The following HNF4G variants were observed in gnomAD, a reference collection of about 807,000 sequenced individuals.
The protein encoded by HNF4G is hepatocyte nuclear factor 4-gamma.
HNF4G carries 21 observed loss-of-function variants against 50.9 expected under a neutral mutation model. That is an observed-to-expected ratio of 0.41 (90% CI 0.29 to 0.59). The LOEUF is 0.59. HNF4G is among the 20% of genes least tolerant of loss of function. The pLI, the probability that HNF4G is intolerant of heterozygous loss-of-function variation, is 0.26. For missense variants in HNF4G, 527 were observed against 559.4 expected, an observed-to-expected ratio of 0.94 and a Z score of 0.58; for synonymous variants, 198 against 185.6, an observed-to-expected ratio of 1.07 and a Z score of -0.54.
intron 1 of HNF4G, 50 bp from the exon 2 acceptor site, chr8:75,543,761 G>T: frequency 6.8e-7 from 1 of 1,469,428 alleles, no homozygotes; most frequent in Non-Finnish European, 9.3e-7. Context: ...GGACAATTTA[G>T]TCAGGAAATA....
intron 1 of HNF4G, among the ~76,000 whole-genome samples, chr8:75,454,743 T>A (rs1467511201): frequency 3.9e-5 from 6 of 152,200 alleles, no homozygotes; most frequent in Non-Finnish European, 5.9e-5. Context: ...TCTTCATTTC[T>A]CTTCATTAAG....
chr8:75,410,939 G>A (rs574372439), intron 1 of HNF4G, among the ~76,000 whole-genome samples: 70 of 152,146 alleles, frequency 4.6e-4, no homozygotes, highest in Non-Finnish European at 7.6e-4. Flanking sequence ...CACACATATA[G>A]ATCAGGTAAT....
At chr8:75,425,657 C>T (rs1473095644) in intron 1 of HNF4G, among the ~76,000 whole-genome samples, 1 of 150,070 alleles carries the variant, frequency 6.7e-6, no homozygotes, top group African/African-American at 2.4e-5. Flanking sequence ...TAGGAAATTT[C>T]CAACTACCCA....
chr8:75,441,536 T>A (rs1164941265), intron 1 of HNF4G, among the ~76,000 whole-genome samples: 1 of 152,180 alleles, frequency 6.6e-6, no homozygotes, highest in Non-Finnish European at 1.5e-5. Context: ...TGAGCCACCA[T>A]GCCCGGCCTT....
At chr8:75,563,691 G>A (rs1048614808) in intron 9 of HNF4G, among the ~76,000 whole-genome samples, 3 of 151,830 alleles carry the variant, frequency 2.0e-5, no homozygotes, top group African/African-American at 7.3e-5. Context: ...AGAATCAAAT[G>A]CTTATAAATG....
At chr8:75,539,117 A>G (rs1203922655), upstream of HNF4G, among the ~76,000 whole-genome samples, 4 of 125,694 alleles carry the variant, frequency 3.2e-5, no homozygotes, top group East Asian at 9.1e-4. Flanking sequence ...TGCTATATAG[A>G]TGAGGATTGA....
upstream of HNF4G, among the ~76,000 whole-genome samples, chr8:75,537,905 T>G (rs1232967677): frequency 1.3e-5 from 2 of 152,172 alleles, no homozygotes; most frequent in African/African-American, 4.8e-5. Flanking sequence ...GTTTTAATTA[T>G]TTTATTTGCT....
intron 1 of HNF4G, among the ~76,000 whole-genome samples, chr8:75,479,309 T>C (rs1812316970): frequency 6.6e-6 from 1 of 152,190 alleles, no homozygotes; most frequent in South Asian, 2.1e-4. Flanking sequence ...ATGGTACCAA[T>C]CAAATCTTTT....
At chr8:75,449,201 C>T (rs1313952981) in intron 1 of HNF4G, among the ~76,000 whole-genome samples, 1 of 152,088 alleles carries the variant, frequency 6.6e-6, no homozygotes, top group East Asian at 1.9e-4. Context: ...TTGCTATCTC[C>T]TAGGGCAGCC....
At chr8:75,543,185 C>A (rs772907721) in intron 1 of HNF4G, among the ~76,000 whole-genome samples, 1 of 152,050 alleles carries the variant, frequency 6.6e-6, no homozygotes, top group Non-Finnish European at 1.5e-5. Flanking sequence ...CTAGCCTGAG[C>A]AACAGGGGGA....
intron 1 of HNF4G, among the ~76,000 whole-genome samples, chr8:75,444,924 C>G (rs1242528542): frequency 5.2e-5 from 7 of 135,504 alleles, no homozygotes; most frequent in Middle Eastern, 3.6e-3. Flanking sequence ...CTGCACCAAG[C>G]GGACCTAATA....
intron 9 of HNF4G, among the ~76,000 whole-genome samples, chr8:75,562,063 A>C (rs1807325332): frequency 6.6e-6 from 1 of 152,190 alleles, no homozygotes; most frequent in Admixed American, 6.6e-5. Context: ...GACTTGAGTT[A>C]TTGTGATGTA....
At chr8:75,445,715 C>T (rs371271051) in intron 1 of HNF4G, among the ~76,000 whole-genome samples, 649 of 112,624 alleles carry the variant, frequency 5.8e-3, no homozygotes, top group African/African-American at 6.8e-3. Flanking sequence ...ATACACTCTC[C>T]CAAGACTAAA....
intron 2 of HNF4G, among the ~76,000 whole-genome samples, chr8:75,498,337 A>G (rs960882411): frequency 2.6e-5 from 4 of 152,160 alleles, no homozygotes; most frequent in Non-Finnish European, 5.9e-5. Context: ...AGGAAGACAC[A>G]AAGTATCAAA....
At chr8:75,532,834 A>C (rs1222335782) in intron 2 of HNF4G, among the ~76,000 whole-genome samples, 2 of 152,058 alleles carry the variant, frequency 1.3e-5, no homozygotes, top group Non-Finnish European at 2.9e-5. Context: ...GCTGCAAACC[A>C]ATAAATTTGT....
intron 2 of HNF4G, among the ~76,000 whole-genome samples, chr8:75,496,986 A>G (rs1305308826): frequency 6.6e-6 from 1 of 152,136 alleles, no homozygotes; most frequent in Admixed American, 6.5e-5. Flanking sequence ...CAGAAAAGAT[A>G]TTTCCTCAGT....
At chr8:75,555,942 A>G (rs1807106761) in intron 5 of HNF4G, 40 bp from the exon 6 acceptor site, 2 of 1,071,148 alleles carry the variant, frequency 1.9e-6, no homozygotes, top group South Asian at 3.3e-5. Flanking sequence ...TAATCATTAT[A>G]TATTATAATT....
intron 1 of HNF4G, among the ~76,000 whole-genome samples, chr8:75,453,002 A>G (rs2130584123): frequency 6.6e-6 from 1 of 152,354 alleles, no homozygotes; most frequent in South Asian, 2.1e-4. Context: ...GTAAATTTAA[A>G]AAGGTTAAGT....
intron 2 of HNF4G, among the ~76,000 whole-genome samples, chr8:75,521,217 A>C (rs1806032185): frequency 6.6e-6 from 1 of 152,212 alleles, no homozygotes; most frequent in Non-Finnish European, 1.5e-5. Context: ...ATATTCCTTA[A>C]GTTTTCCCAG....
Sources: allele counts gnomAD v4.1 joint callset (sites outside exome capture counted in the v4.1 genomes callset), GRCh38; gene constraint gnomAD v4.1.1; transcripts MANE v1.5; gene names NCBI Gene and HGNC (gene_info 2026-07-23, HGNC 2026-07-21).